Variants in SCHIP1 observed in about 807,000 individuals in gnomAD.
SCHIP1 encodes the protein schwannomin-interacting protein 1.
A neutral mutation model predicts 29.7 loss-of-function variants in SCHIP1; 8 were observed. The ratio of observed to expected loss-of-function variants is 0.27; its 90% CI spans 0.16 to 0.49. The LOEUF (loss-of-function observed/expected upper bound fraction) is 0.49. Among genes scored for constraint, SCHIP1 ranks in the 20% least tolerant of loss-of-function variants. The pLI, the probability that SCHIP1 is intolerant of heterozygous loss-of-function variation, is 0.99. For synonymous variants in SCHIP1, 76 were observed against 94.9 expected, an observed-to-expected ratio of 0.80 and a Z score of 1.16; for missense variants, 193 against 294.6, an observed-to-expected ratio of 0.66 and a Z score of 2.52.
the SCHIP1 span, among the ~76,000 whole-genome samples, chr3:159,323,772 G>C: frequency 6.6e-6 from 1 of 152,180 alleles, no homozygotes; most frequent in Non-Finnish European, 1.5e-5. Context: ...AGAGGAAAAG[G>C]GAATCTTTAA....
chr3:159,423,386 C>T, the SCHIP1 span, among the ~76,000 whole-genome samples: 2 of 152,222 alleles, frequency 1.3e-5, no homozygotes, highest in Admixed American at 6.5e-5. Context: ...GCTTAAAAAA[C>T]GGCACACCAG....
chr3:159,694,609 G>GAAAGA, the SCHIP1 span, among the ~76,000 whole-genome samples: 8 of 140,380 alleles, frequency 5.7e-5, no homozygotes, highest in African/African-American at 1.7e-4. Context: ...AGAAAGAAAG[G>GAAAGA]AATTATGACC....
chr3:159,547,188 CAT>C, the SCHIP1 span, among the ~76,000 whole-genome samples: 8 of 152,030 alleles, frequency 5.3e-5, no homozygotes, highest in South Asian at 2.1e-4. Flanking sequence ...AGCTTTTTTT[CAT>C]ATGTTTGTTG....
chr3:159,341,539 G>A, the SCHIP1 span, among the ~76,000 whole-genome samples: 2 of 152,098 alleles, frequency 1.3e-5, no homozygotes, highest in African/African-American at 4.8e-5. Context: ...CATCAAGCCA[G>A]CTCACACAGG....
chr3:159,436,568 A>G, the SCHIP1 span, among the ~76,000 whole-genome samples: 11 of 152,132 alleles, frequency 7.2e-5, no homozygotes, highest in Non-Finnish European at 1.2e-4. Context: ...GGCTGAAATA[A>G]TTAATTTTTG....
the SCHIP1 span, chr3:159,764,216 A>C: frequency 2.1e-6 from 1 of 478,546 alleles, no homozygotes. This position sits in a 1 kb window ranked among gnomAD's most constrained non-coding sequence, Gnocchi z 6.1. Context: ...CCCCTTTGCT[A>C]ATTTGAGGGT....
At chr3:159,420,444 G>T in the SCHIP1 span, among the ~76,000 whole-genome samples, 1 of 152,156 alleles carries the variant, frequency 6.6e-6, no homozygotes, top group Non-Finnish European at 1.5e-5. Flanking sequence ...AAGGGAATAG[G>T]GTGGTAAATA....
the SCHIP1 span, among the ~76,000 whole-genome samples, chr3:159,831,307 A>G: frequency 4.6e-5 from 7 of 152,078 alleles, no homozygotes; most frequent in Non-Finnish European, 8.8e-5. Context: ...TACACACTTG[A>G]TCTAGGCTTA....
At chr3:159,880,190 T>C in intron 2 of SCHIP1, among the ~76,000 whole-genome samples, 1 of 152,158 alleles carries the variant, frequency 6.6e-6, no homozygotes, top group Admixed American at 6.5e-5. Flanking sequence ...CAGTCCTCTC[T>C]TTGGCATATA....
At chr3:159,655,417 T>C in the SCHIP1 span, among the ~76,000 whole-genome samples, 3 of 152,100 alleles carry the variant, frequency 2.0e-5, no homozygotes, top group Non-Finnish European at 2.9e-5. Flanking sequence ...ATGATGATGA[T>C]GATAGCTACC....
At chr3:159,852,973 A>G (rs1310724291) in intron 1 of SCHIP1, 9 of 159,936 alleles carry the variant, frequency 5.6e-5, no homozygotes, top group African/African-American at 2.2e-4. Flanking sequence ...TCCAGTCCAC[A>G]CTCGGCCCTG....
the SCHIP1 span, among the ~76,000 whole-genome samples, chr3:159,694,761 A>G: frequency 1.3e-5 from 2 of 152,198 alleles, no homozygotes; most frequent in African/African-American, 4.8e-5. Flanking sequence ...GGCTAATAGA[A>G]TAAGGAAATA....
At chr3:159,274,177 A>G in the SCHIP1 span, 1 of 985,206 alleles carries the variant, frequency 1.0e-6, no homozygotes, top group Non-Finnish European at 1.2e-6. Context: ...GACTTTGGAA[A>G]TAGCATTTTA....
chr3:159,342,037 C>A, the SCHIP1 span, among the ~76,000 whole-genome samples: 1 of 152,130 alleles, frequency 6.6e-6, no homozygotes, highest in East Asian at 1.9e-4. Flanking sequence ...CATGAGTGAA[C>A]TCAGGAATAA....
chr3:159,837,968 T>C (rs942589414), upstream of SCHIP1, among the ~76,000 whole-genome samples: 5 of 152,202 alleles, frequency 3.3e-5, no homozygotes, highest in African/African-American at 7.2e-5. Flanking sequence ...CTGCACGTGT[T>C]ATGTGACCCA....
chr3:159,561,855 T>C, the SCHIP1 span, among the ~76,000 whole-genome samples: 38 of 152,306 alleles, frequency 2.5e-4, 1 homozygote, highest in East Asian at 5.6e-3. Context: ...TGCCATTATT[T>C]AATGAGTTGA....
At chr3:159,391,359 T>C in the SCHIP1 span, among the ~76,000 whole-genome samples, 1 of 152,268 alleles carries the variant, frequency 6.6e-6, no homozygotes, top group East Asian at 1.9e-4. Flanking sequence ...ACTTAACATA[T>C]AATACTAAAG....
the SCHIP1 span, among the ~76,000 whole-genome samples, chr3:159,621,270 C>T: frequency 6.6e-6 from 1 of 152,204 alleles, no homozygotes; most frequent in Non-Finnish European, 1.5e-5. Context: ...GAAGCACCAA[C>T]TCTGTATATG....
the SCHIP1 span, among the ~76,000 whole-genome samples, chr3:159,609,794 G>T: frequency 6.6e-6 from 1 of 151,876 alleles, no homozygotes; most frequent in Non-Finnish European, 1.5e-5. Context: ...CTGTATTTTA[G>T]GTATTTTTTT....
Sources: allele counts gnomAD v4.1 joint callset (sites outside exome capture counted in the v4.1 genomes callset), GRCh38; gene constraint gnomAD v4.1.1; non-coding constraint Gnocchi (gnomAD v3.1); transcripts MANE v1.5; gene names NCBI Gene and HGNC (gene_info 2026-07-23, HGNC 2026-07-21).